TOP2A: variants seen among roughly 807,000 people sequenced by gnomAD.
TOP2A encodes DNA topoisomerase II alpha.
TOP2A carries 68 observed loss-of-function variants against 187.2 expected under a neutral mutation model. That is an observed-to-expected ratio of 0.36 (90% CI 0.30 to 0.44). TOP2A has a LOEUF of 0.44. Ranked by LOEUF, TOP2A falls within the 20% of genes least tolerant of loss-of-function variation. The pLI is 1.00. For synonymous variants in TOP2A, 542 were observed against 593.2 expected (o/e 0.91, Z 1.25); for missense variants, 1,196 against 1,808.7 (o/e 0.66, Z 6.14).
Position 40,411,750 on chromosome 17 carries a change from C to G in TOP2A, c.858G>C (p.Leu286Phe). The change falls in exon 8 of 35, where the codon TTG (leucine) becomes TTC (phenylalanine). Residue 286 changes from leucine (L) to phenylalanine (F), a missense_variant. Physicochemically the swap from Leu to Phe is conservative, Grantham distance 22. Transcript: ENST00000423485. The surrounding 1 kb of genome is among the most constrained non-coding windows in gnomAD (Gnocchi z 4.4). ...GGTTTACTTGTTCATGTATTACTTT[C>G]AAGGAGTTACCAGTTTCATCCAACT... is the stretch of plus-strand genomic sequence containing the variant. ...KDKLDETGNSLKVIHEQVNHR... is the reference protein window; with the variant it reads ...KDKLDETGNSFKVIHEQVNHR... The G allele has an allele frequency of 6.2e-7, 1 of 1,612,510 alleles. No individual in the cohort carries two copies. The highest frequency in any genetic ancestry group is 1.1e-5 in the South Asian group (1 of 90,614).
intron 29 of TOP2A, 102 bp downstream of exon 29, chr17:40,395,347 T>A: frequency 1.9e-6 from 1 of 535,374 alleles, no homozygotes; most frequent in Non-Finnish European, 3.1e-6. Flanking sequence ...TTCACGTTTC[T>A]CAATTCAACA....
intron 1 of TOP2A, chr17:40,417,500 A>C: frequency 7.2e-7 from 1 of 1,384,260 alleles, no homozygotes; most frequent in South Asian, 1.6e-5. Flanking sequence ...GGGCCGCTGT[A>C]ACATGGATCC....
In TOP2A at chr17:40,401,329, A is replaced by G. The variant is rs374798145; in HGVS notation, c.2433-248T>C. 8.5e-5 allele frequency among the ~76,000 whole-genome samples: 13 copies of G among 152,306 alleles called. No homozygotes were observed. The East Asian group carries it at 2.5e-3, about 29-fold the overall frequency. On this transcript the variant is annotated intron_variant, in intron 20 of 34. Coordinates refer to ENST00000423485, the MANE Select transcript of TOP2A (RefSeq NM_001067.4). ...CATATTTTGTTAGGTGGTGGGATAA[A>G]CAAGAGAAGAAAAAGTGGGAAAGTG...
intron 12 of TOP2A, 83 bp downstream of exon 12, chr17:40,407,884 T>A: frequency 7.2e-7 from 1 of 1,396,410 alleles, no homozygotes; most frequent in Non-Finnish European, 9.8e-7. Flanking sequence ...TATTTTAAAA[T>A]GCCTAATGAG....
chr17:40,417,888 G>T lies in TOP2A; in HGVS notation c.-97C>A. ...GACCAAGCCGCTTCTCCACAGACGCGCGTCGGTTAGGAGAGCTCCACTTGA... is the reference window on the plus strand; with the variant it reads ...GACCAAGCCGCTTCTCCACAGACGCTCGTCGGTTAGGAGAGCTCCACTTGA... On this transcript the variant is annotated 5_prime_UTR_variant, in exon 1 of 35. Coordinates refer to ENST00000423485, the MANE Select transcript of TOP2A (RefSeq NM_001067.4). The T allele has an allele frequency of 6.4e-7, 1 of 1,551,484 alleles. No homozygotes were observed. The highest frequency in any genetic ancestry group is 8.8e-7 in the Non-Finnish European group (1 of 1,136,056).
chr17:40,396,695 C>T (rs2035103964), intron 27 of TOP2A, among the ~76,000 whole-genome samples: 1 of 152,024 alleles, frequency 6.6e-6, no homozygotes, highest in African/African-American at 2.4e-5. Context: ...TACCACTTAA[C>T]CTTTTTGAGG....
In TOP2A at chr17:40,396,415, T is replaced by G; in HGVS notation, c.3588A>C (p.Lys1196Asn). 1 of 1,613,964 alleles carries G rather than the reference T, an allele frequency of 6.2e-7. No individual in the cohort carries two copies. Among genetic ancestry groups the G allele is most frequent in the Non-Finnish European group, 8.5e-7 (1 of 1,179,864 alleles). ...TTTTTTTCCCCTTGGCCTTCCCCCC[T>G]TTCCCAGGAAGTCCGACTTGTTCAT... ...KQDEQVGLPGKGGKAKGKKTQ... is the reference protein window; with the variant it reads ...KQDEQVGLPGNGGKAKGKKTQ... Residue 1196 changes from lysine to asparagine, a missense_variant, in exon 28 of 35, where the codon AAA (lysine) becomes AAC (asparagine). Transcript: ENST00000423485.
At chr17:40,407,891 T>C in intron 12 of TOP2A, 76 bp downstream of exon 12, 1 of 1,420,500 alleles carries the variant, frequency 7.0e-7, no homozygotes, top group South Asian at 1.4e-5. Context: ...AAATGCCTAA[T>C]GAGGGAATTA....
At chr17:40,413,101 T>C in intron 6 of TOP2A, 94 bp downstream of exon 6, 1 of 1,279,762 alleles carries the variant, frequency 7.8e-7, no homozygotes, top group Non-Finnish European at 1.1e-6. Context: ...CAATAGCTTA[T>C]AAATTATGTT....
intron 33 of TOP2A, among the ~76,000 whole-genome samples, chr17:40,390,819 T>G (rs929533274): frequency 6.6e-6 from 1 of 151,650 alleles, no homozygotes; most frequent in African/African-American, 2.4e-5. Flanking sequence ...GAGATGAGGT[T>G]TCACTATGTT....
Sources: gnomAD v4.1 joint callset for allele counts (sites outside exome capture counted in the v4.1 genomes callset) on GRCh38, gnomAD v4.1.1 for gene constraint, Gnocchi (gnomAD v3.1) non-coding constraint, MANE v1.5 for transcripts, NCBI Gene and HGNC (gene_info 2026-07-23, HGNC 2026-07-21) for gene names.